Variants in CENPP observed in about 807,000 individuals in gnomAD.
CENPP encodes the protein centromere protein P.
A neutral mutation model predicts 35.6 loss-of-function variants in CENPP; 24 were observed. That is an observed-to-expected ratio of 0.67 (90% CI 0.49 to 0.95). The LOEUF is 0.95. Ranked by LOEUF, CENPP falls within the 40% of genes least tolerant of loss-of-function variation. The probability of loss-of-function intolerance (pLI) is 0.00; values close to 1 mark genes in which losing one functional copy is unlikely to be tolerated. For synonymous variants in CENPP, 120 were observed against 125.5 expected, an observed-to-expected ratio of 0.96 and a Z score of 0.29; for missense variants, 332 against 345.3, an observed-to-expected ratio of 0.96 and a Z score of 0.31.
chr9:92,338,876 C>A (rs1422704648), intron 3 of CENPP, among the ~76,000 whole-genome samples: 1 of 152,080 alleles, frequency 6.6e-6, no homozygotes, highest in Non-Finnish European at 1.5e-5. Context: ...GGGAGGAAGA[C>A]CCCTTTGGCT....
chr9:92,360,276 A>G (rs1365207893), intron 4 of CENPP, among the ~76,000 whole-genome samples: 2 of 152,200 alleles, frequency 1.3e-5, no homozygotes, highest in African/African-American at 4.8e-5. Flanking sequence ...TTGTGGTCCT[A>G]TAACCACATG....
At chr9:92,533,328 A>ATAT (rs1247921787) in intron 5 of CENPP, among the ~76,000 whole-genome samples, 9 of 38,332 alleles carry the variant, frequency 2.3e-4, no homozygotes, top group African/African-American at 7.3e-4. Flanking sequence ...AAAAAAAAAA[A>ATAT]ATATATATAT....
At chr9:92,516,520 G>A (rs1017026283) in intron 5 of CENPP, among the ~76,000 whole-genome samples, 2 of 152,174 alleles carry the variant, frequency 1.3e-5, no homozygotes, top group Non-Finnish European at 2.9e-5. Flanking sequence ...GTATTATAAA[G>A]TCTGTGAATT....
intron 1 of CENPP, among the ~76,000 whole-genome samples, chr9:92,328,749 T>A (rs1840645033): frequency 6.6e-6 from 1 of 152,174 alleles, no homozygotes; most frequent in East Asian, 1.9e-4. Context: ...TTCAAACAAA[T>A]CCAAAATAGC....
chr9:92,382,191 C>T (rs1310651359), intron 5 of CENPP, among the ~76,000 whole-genome samples: 13 of 151,474 alleles, frequency 8.6e-5, no homozygotes, highest in Admixed American at 8.5e-4. Flanking sequence ...TTGATAGTGT[C>T]CTTTGATGAG....
rs151070730 is a variant in CENPP at position 92,500,728 on chromosome 9, G to A, written c.565-110586G>A. On this transcript the variant is annotated intron_variant, in intron 5 of 7. Coordinates refer to ENST00000375587, the MANE Select transcript of CENPP (RefSeq NM_001012267.3). ...ATACTTGAAAAAGCCAAAATTTACCGTATCTTGTTGTTGTTCAGCCTCAGA... is the reference window on the plus strand; with the variant it reads ...ATACTTGAAAAAGCCAAAATTTACCATATCTTGTTGTTGTTCAGCCTCAGA... 133 of 1,602,288 alleles carry A rather than the reference G, an allele frequency of 8.3e-5. No individual in the cohort carries two copies. Among genetic ancestry groups the A allele is most frequent in the African/African-American group, 7.5e-4 (56 of 74,432 alleles).
At chr9:92,390,820 C>T (rs1377327444) in intron 5 of CENPP, among the ~76,000 whole-genome samples, 1 of 152,198 alleles carries the variant, frequency 6.6e-6, no homozygotes, top group East Asian at 1.9e-4. Context: ...GGACACTTGG[C>T]TGAGTATATA....
intron 5 of CENPP, among the ~76,000 whole-genome samples, chr9:92,561,492 G>A (rs1157807726): frequency 1.3e-5 from 2 of 152,192 alleles, no homozygotes; most frequent in Non-Finnish European, 2.9e-5. Flanking sequence ...AAACCAACCT[G>A]TTTTAACACT....
intron 5 of CENPP, among the ~76,000 whole-genome samples, chr9:92,450,129 T>TGC (rs1179955654): frequency 6.6e-6 from 1 of 152,048 alleles, no homozygotes; most frequent in Non-Finnish European, 1.5e-5. Flanking sequence ...AGTTTTACGG[T>TGC]ACATGTGCAC....
At chr9:92,457,114 A>T in intron 5 of CENPP, 1 of 1,407,244 alleles carries the variant, frequency 7.1e-7, no homozygotes, top group Non-Finnish European at 9.2e-7. Flanking sequence ...ATGTATCAAT[A>T]GTTTGGCAAA....
intron 5 of CENPP, chr9:92,466,210 A>T (rs1272841580): frequency 1.6e-6 from 1 of 616,296 alleles, no homozygotes; most frequent in Non-Finnish European, 2.8e-6. Flanking sequence ...ATTTTGTTGG[A>T]CATTTTAATT....
At chr9:92,447,343 G>A (rs946413334) in intron 5 of CENPP, among the ~76,000 whole-genome samples, 1 of 151,830 alleles carries the variant, frequency 6.6e-6, no homozygotes, top group Non-Finnish European at 1.5e-5. Flanking sequence ...GGGGTGATGG[G>A]AGACAGTGAC....
At chr9:92,472,996 T>C (rs1845583115) in intron 5 of CENPP, among the ~76,000 whole-genome samples, 1 of 152,136 alleles carries the variant, frequency 6.6e-6, no homozygotes, top group Non-Finnish European at 1.5e-5. Context: ...CAGACCCTTT[T>C]TATGGTCACG....
rs142787785 is a variant in CENPP at position 92,470,049 on chromosome 9, G to A, written c.564+90190G>A. ...TTGTTGTGTTGCCCAGGCTGATCTCGAACTCTTGGGCTCAAGTGATCCGCC... is the reference window on the plus strand; with the variant it reads ...TTGTTGTGTTGCCCAGGCTGATCTCAAACTCTTGGGCTCAAGTGATCCGCC... On this transcript the variant is annotated intron_variant, in intron 5 of 7. Transcript: ENST00000375587. Among the ~76,000 whole-genome samples, 231 of 152,158 alleles carry A rather than the reference G, an allele frequency of 1.5e-3. 6 individuals carry two copies. The East Asian group carries it at 0.026, about 17-fold the overall frequency.
At chr9:92,394,283 C>G (rs146201969) in intron 5 of CENPP, among the ~76,000 whole-genome samples, 1 of 152,040 alleles carries the variant, frequency 6.6e-6, no homozygotes, top group African/African-American at 2.4e-5. Context: ...TGCCCTGTTG[C>G]TCATGCTGGA....
chr9:92,526,170 G>T (rs955235170), intron 5 of CENPP, among the ~76,000 whole-genome samples: 1 of 152,114 alleles, frequency 6.6e-6, no homozygotes, highest in African/African-American at 2.4e-5. Context: ...GGAAGACAGT[G>T]ATATTGATGA....
chr9:92,351,254 G>C (rs889292217), intron 4 of CENPP, among the ~76,000 whole-genome samples: 11 of 152,092 alleles, frequency 7.2e-5, no homozygotes, highest in Non-Finnish European at 1.3e-4. Flanking sequence ...ACTTTGGGAG[G>C]CTGAGGCGGG....
intron 2 of CENPP, among the ~76,000 whole-genome samples, chr9:92,334,734 G>A (rs1588034396): frequency 6.6e-6 from 1 of 151,700 alleles, no homozygotes; most frequent in South Asian, 2.1e-4. Flanking sequence ...ACAACAATTA[G>A]CTAGGCATGG....
At chr9:92,608,025 G>A (rs944367750) in intron 5 of CENPP, among the ~76,000 whole-genome samples, 1 of 152,222 alleles carries the variant, frequency 6.6e-6, no homozygotes, top group African/African-American at 2.4e-5. Context: ...CCTGTGGAAG[G>A]CGGGGGCTCC....
Sources: gnomAD v4.1 joint callset for allele counts (sites outside exome capture counted in the v4.1 genomes callset) on GRCh38, gnomAD v4.1.1 for gene constraint, MANE v1.5 for transcripts, NCBI Gene and HGNC (gene_info 2026-07-23, HGNC 2026-07-21) for gene names.